The following CCDC102B variants were observed in gnomAD, a reference collection of about 807,000 sequenced individuals.
CCDC102B encodes coiled-coil domain containing 102B.
Under a neutral mutation model 57.4 loss-of-function variants are expected in CCDC102B, and 75 were observed. The ratio of observed to expected loss-of-function variants is 1.31; its 90% CI spans 1.08 to 1.58. The LOEUF (loss-of-function observed/expected upper bound fraction) is 1.58. CCDC102B is among the 40% of genes most tolerant of loss of function. CCDC102B has a pLI of 0.00. For synonymous variants in CCDC102B, 206 were observed against 201.9 expected (o/e 1.02, Z -0.17); for missense variants, 636 against 582.6 (o/e 1.09, Z -0.94).
At chr18:68,834,215 A>G (rs2037266555) in intron 1 of CCDC102B, among the ~76,000 whole-genome samples, 1 of 152,100 alleles carries the variant, frequency 6.6e-6, no homozygotes, top group Non-Finnish European at 1.5e-5. Context: ...CCAGAATCCA[A>G]TTATGGCATC....
intron 7 of CCDC102B, among the ~76,000 whole-genome samples, chr18:69,039,834 CAGGAAATTAG>C (rs376329077): frequency 0.028 from 4,254 of 151,324 alleles, 211 homozygotes; most frequent in African/African-American, 0.096. Flanking sequence ...CAGGAAATTA[CAGGAAATTAG>C]AGGAAATTAG....
In CCDC102B at chr18:68,981,971, TA is replaced by T. The variant is rs561390192; in HGVS notation, c.1264-28956del. On this transcript the variant is annotated intron_variant, in intron 6 of 7. Coordinates refer to ENST00000360242, the MANE Select transcript of CCDC102B (RefSeq NM_024781.3). ...TTCCATGTTGTACTTAAAGTATAAT[TA>T]AAAAAATAAATAAATAAATAAAAAG... Among the ~76,000 whole-genome samples, 903 of 151,796 alleles carry T rather than the reference TA, an allele frequency of 5.9e-3. 5 individuals are homozygous for T. The highest frequency in any genetic ancestry group is 0.02 in the African/African-American group (826 of 41,452).
chr18:68,802,981 AATC>A (rs2035908245), intron 1 of CCDC102B, among the ~76,000 whole-genome samples: 1 of 152,226 alleles, frequency 6.6e-6, no homozygotes, highest in African/African-American at 2.4e-5. Context: ...ATATACAGAT[AATC>A]ATCATAGGTG....
At chr18:68,717,491 A>G in intron 2 of CCDC102B, among the ~76,000 whole-genome samples, 2 of 152,346 alleles carry the variant, frequency 1.3e-5, no homozygotes, top group South Asian at 4.1e-4. Flanking sequence ...ATTTATAATT[A>G]TATACTTGGT....
At chr18:68,946,615 A>C (rs2145184811) in intron 6 of CCDC102B, among the ~76,000 whole-genome samples, 1 of 152,176 alleles carries the variant, frequency 6.6e-6, no homozygotes, top group South Asian at 2.1e-4. Context: ...TCAATTTTTC[A>C]TAAATAATCA....
intron 2 of CCDC102B, among the ~76,000 whole-genome samples, chr18:68,752,118 A>G (rs899026751): frequency 1.3e-5 from 2 of 151,666 alleles, no homozygotes; most frequent in Admixed American, 6.6e-5. Flanking sequence ...AAATTAGCCA[A>G]CTGTGGTGGT....
In CCDC102B at chr18:68,885,285, G is replaced by A. The variant is rs1201858161; in HGVS notation, c.1053+10500G>A. ...AAGGAAGTTTCTTAACATTAATTTAGCAATTAGTCCCCCAAATTCAGAGCT... is the reference window on the plus strand; with the variant it reads ...AAGGAAGTTTCTTAACATTAATTTAACAATTAGTCCCCCAAATTCAGAGCT... On this transcript the variant is annotated intron_variant, in intron 5 of 7. Transcript: ENST00000360242. Among the ~76,000 whole-genome samples the A allele has an allele frequency of 2.6e-5, 4 of 151,962 alleles. No homozygotes were observed. The East Asian group carries it at 7.7e-4, about 29-fold the overall frequency.
At chr18:68,920,684 T>A (rs189195663) in intron 6 of CCDC102B, among the ~76,000 whole-genome samples, 175 of 152,062 alleles carry the variant, frequency 1.2e-3, no homozygotes, top group Non-Finnish European at 2.0e-3. Flanking sequence ...CTTACAATCA[T>A]GGAGGAAGGC....
At chr18:69,003,286 A>G (rs1217088580) in intron 6 of CCDC102B, among the ~76,000 whole-genome samples, 1 of 152,180 alleles carries the variant, frequency 6.6e-6, no homozygotes, top group Non-Finnish European at 1.5e-5. Flanking sequence ...TTATGTATGT[A>G]TCATTTAAAT....
chr18:68,854,184 TC>T (rs2038276558), intron 4 of CCDC102B, among the ~76,000 whole-genome samples: 2 of 151,802 alleles, frequency 1.3e-5, no homozygotes, highest in African/African-American at 2.4e-5. Flanking sequence ...CACTTCAACC[TC>T]CGTCTCCCGG....
At chr18:68,968,126 T>G (rs967790085) in intron 6 of CCDC102B, among the ~76,000 whole-genome samples, 12 of 152,178 alleles carry the variant, frequency 7.9e-5, no homozygotes, top group Admixed American at 3.3e-4. Flanking sequence ...CTTAGAATTG[T>G]GTTATTAGGC....
Position 69,006,807 on chromosome 18 carries a change from T to TCA in CCDC102B, c.1264-4127_1264-4126insCA, listed in dbSNP as rs1599838177. Among the ~76,000 whole-genome samples the TCA allele has an allele frequency of 3.9e-5, 6 of 152,142 alleles. No individual in the cohort carries two copies. In the East Asian group the frequency reaches 1.2e-3, roughly 29 times the overall value. On this transcript the variant is annotated intron_variant, in intron 6 of 7. Coordinates refer to ENST00000360242, the MANE Select transcript of CCDC102B (RefSeq NM_024781.3). ...AAAGTAAAATAGAGAGGATATGAATTAATGGATCAAAATGTCAAATAACTT... is the reference window on the plus strand; with the variant it reads ...AAAGTAAAATAGAGAGGATATGAATTCAAATGGATCAAAATGTCAAATAACTT...
At chr18:68,891,474 T>C (rs182508073) in intron 5 of CCDC102B, among the ~76,000 whole-genome samples, 13 of 152,382 alleles carry the variant, frequency 8.5e-5, no homozygotes, top group Middle Eastern at 3.4e-3. Flanking sequence ...TTGATTCTCA[T>C]TTTGTTTTCT....
intron 6 of CCDC102B, among the ~76,000 whole-genome samples, chr18:68,910,494 C>A (rs901161386): frequency 6.6e-6 from 1 of 152,080 alleles, no homozygotes; most frequent in Non-Finnish European, 1.5e-5. Context: ...ATATCACCAA[C>A]CCCCTCTAAA....
intron 6 of CCDC102B, among the ~76,000 whole-genome samples, chr18:68,946,506 C>T (rs976781349): frequency 6.6e-6 from 1 of 151,974 alleles, no homozygotes; most frequent in African/African-American, 2.4e-5. Flanking sequence ...TGACTTGATC[C>T]TGCATCTTTA....
chr18:69,006,085 G>A (rs1179182166), intron 6 of CCDC102B, among the ~76,000 whole-genome samples: 1 of 151,940 alleles, frequency 6.6e-6, no homozygotes, highest in Non-Finnish European at 1.5e-5. Context: ...TTGCTCTGAA[G>A]TACATAGAGA....
intron 6 of CCDC102B, among the ~76,000 whole-genome samples, chr18:68,962,323 T>C (rs1035816358): frequency 9.9e-5 from 15 of 152,108 alleles, no homozygotes; most frequent in African/African-American, 3.6e-4. Context: ...CTTCAACCAT[T>C]TATCTGCAAC....
chr18:68,824,300 T>C (rs2036818232), intron 1 of CCDC102B, among the ~76,000 whole-genome samples: 1 of 152,362 alleles, frequency 6.6e-6, no homozygotes, highest in African/African-American at 2.4e-5. Context: ...TAACATGTAT[T>C]GCACGAGGAG....
intron 2 of CCDC102B, among the ~76,000 whole-genome samples, chr18:68,731,580 T>C (rs74848316): frequency 0.1 from 15,145 of 151,760 alleles, 775 homozygotes; most frequent in East Asian, 0.11. Flanking sequence ...TGCCTCAAGG[T>C]CATTTTAGTG....
Sources: allele counts gnomAD v4.1 joint callset (sites outside exome capture counted in the v4.1 genomes callset), GRCh38; gene constraint gnomAD v4.1.1; transcripts MANE v1.5; gene names NCBI Gene and HGNC (gene_info 2026-07-23, HGNC 2026-07-21).